CRYM: variants seen among roughly 807,000 people sequenced by gnomAD.
CRYM encodes the protein ketimine reductase mu-crystallin.
CRYM carries 18 observed loss-of-function variants against 32.9 expected under a neutral mutation model. The observed-to-expected ratio is 0.55, with a 90% CI of 0.38 to 0.81. The LOEUF (loss-of-function observed/expected upper bound fraction) is 0.81, where lower values mean the gene tolerates loss of function less well. Ranked by LOEUF, CRYM falls within the 30% of genes least tolerant of loss-of-function variation. The pLI is 0.00. For synonymous variants in CRYM, 153 were observed against 152.4 expected, an observed-to-expected ratio of 1.00 and a Z score of -0.03; for missense variants, 337 against 393.5, an observed-to-expected ratio of 0.86 and a Z score of 1.21.
At chr16:21,296,460 C>T (rs895080182) in intron 1 of CRYM, among the ~76,000 whole-genome samples, 1 of 152,130 alleles carries the variant, frequency 6.6e-6, no homozygotes, top group Admixed American at 6.6e-5. Context: ...ATACTAAAAC[C>T]TATCATTCAA....
chr16:21,277,735 T>A lies in CRYM; in HGVS notation c.171-151A>T. 1 of 870,552 alleles carries A rather than the reference T, an allele frequency of 1.1e-6. No individual in the cohort carries two copies. Among genetic ancestry groups the A allele is most frequent in the Non-Finnish European group, 1.8e-6 (1 of 558,968 alleles). The allele number at this position is 870,552 out of a possible 1,614,324, so 53.9% of individuals were successfully genotyped here. The stretch of plus-strand genomic sequence containing the variant: ...ATCCCTCTGCCCTTCCCTTAGACAC[T>A]ATGCACAGTATGTTCAGAAGTCTGG... On this transcript the variant is annotated intron_variant, in intron 1 of 7. Coordinates refer to ENST00000572914, the MANE Select transcript of CRYM (RefSeq NM_001376256.1). The surrounding 1 kb of genome is among the most constrained non-coding windows in gnomAD (Gnocchi z 4.2).
intron 3 of CRYM, among the ~76,000 whole-genome samples, chr16:21,272,555 C>T (rs2093377762): frequency 6.6e-6 from 1 of 152,200 alleles, no homozygotes; most frequent in African/African-American, 2.4e-5. Flanking sequence ...GCTCAAATAT[C>T]CCCTACAGAG....
At chr16:21,290,420 G>A (rs186798920) in intron 1 of CRYM, among the ~76,000 whole-genome samples, 166 of 152,206 alleles carry the variant, frequency 1.1e-3, no homozygotes, top group African/African-American at 3.6e-3. Flanking sequence ...CCACTGGAAG[G>A]AAGAAACTCG....
chr16:21,277,925 G>A lies in CRYM; in HGVS notation c.170+157C>T, dbSNP rs1224060688. Among the ~76,000 whole-genome samples the A allele has an allele frequency of 6.6e-6, 1 of 152,010 alleles. No homozygotes were observed. The highest frequency in any genetic ancestry group is 1.9e-4 in the East Asian group (1 of 5,176). ...ATAAACAAGGTAACACCTGTAAAAC[G>A]CCCACTTAGCACACCGGGTAGCGCC... On this transcript the variant is annotated intron_variant, in intron 1 of 7. Transcript: ENST00000572914. This position sits in a 1 kb window ranked among gnomAD's most constrained non-coding sequence, Gnocchi z 4.2.
chr16:21,286,252 C>G (rs1002676034), intron 1 of CRYM, among the ~76,000 whole-genome samples: 1 of 150,322 alleles, frequency 6.7e-6, no homozygotes, highest in Non-Finnish European at 1.5e-5. Flanking sequence ...GAGTCTCACT[C>G]TATCGCCCAG....
upstream of CRYM, among the ~76,000 whole-genome samples, chr16:21,283,004 GGTCA>G (rs1176361622): frequency 2.0e-5 from 3 of 151,984 alleles, no homozygotes; most frequent in Non-Finnish European, 4.4e-5. Flanking sequence ...GTAATGCAGG[GGTCA>G]GTATTGAGAA....
At chr16:21,274,045 T>C (rs1188771379) in intron 3 of CRYM, among the ~76,000 whole-genome samples, 1 of 152,152 alleles carries the variant, frequency 6.6e-6, no homozygotes, top group Non-Finnish European at 1.5e-5. Context: ...GAACACCTGG[T>C]CTTTGCTGCT....
Position 21,258,827 on chromosome 16 carries a change from G to A in CRYM, c.899C>T (p.Thr300Ile), listed in dbSNP as rs749526724. Residue 300 changes from threonine to isoleucine, a missense_variant, in exon 8 of 8, where the codon ACA (threonine) becomes ATA (isoleucine). Thr to Ile is a moderately conservative substitution (Grantham distance 89). Transcript: ENST00000572914. ...ATCATAGATGAGTTTGGCTGCAACTGTGTCTTCCACTGCCATTCCTAGAAT... is the reference window on the plus strand; with the variant it reads ...ATCATAGATGAGTTTGGCTGCAACTATGTCTTCCACTGCCATTCCTAGAAT... ...FKSLGMAVED[T>I]VAAKLIYDSW... 3.7e-6 allele frequency: 6 copies of A among 1,614,112 alleles called. No individual in the cohort carries two copies. The South Asian group carries it at 5.5e-5, about 15-fold the overall frequency.
chr16:21,278,676 T>G, upstream of CRYM: 1 of 220,440 alleles, frequency 4.5e-6, no homozygotes, highest in Non-Finnish European at 9.1e-6. Flanking sequence ...CTCCTTTATT[T>G]ATTAAATTAC....
chr16:21,293,028 A>AAGATAGAT (rs3029354), intron 1 of CRYM, among the ~76,000 whole-genome samples: 25,509 of 150,356 alleles, frequency 0.17, 2,334 homozygotes, highest in East Asian at 0.31. Context: ...AAGTAGATAG[A>AAGATAGAT]AGATAGATAG....
At chr16:21,279,670 C>G (rs140367399), upstream of CRYM, among the ~76,000 whole-genome samples, 1 of 152,074 alleles carries the variant, frequency 6.6e-6, no homozygotes, top group Non-Finnish European at 1.5e-5. Context: ...AACAGATGAG[C>G]GAGAGCAGAG....
intron 7 of CRYM, among the ~76,000 whole-genome samples, chr16:21,260,054 T>C (rs1043673567): frequency 1.3e-5 from 2 of 152,178 alleles, no homozygotes; most frequent in African/African-American, 2.4e-5. Context: ...TGTCTTCCAG[T>C]GCATGAGAGA....
At chr16:21,280,370 A>G (rs8060552), upstream of CRYM, among the ~76,000 whole-genome samples, 37,466 of 151,988 alleles carry the variant, frequency 0.25, 4,869 homozygotes, top group African/African-American at 0.3. Context: ...ACACAGTAAG[A>G]CTTTTTTGGC....
At chr16:21,290,083 C>G (rs952497358) in intron 1 of CRYM, among the ~76,000 whole-genome samples, 1 of 151,798 alleles carries the variant, frequency 6.6e-6, no homozygotes, top group African/African-American at 2.4e-5. Flanking sequence ...TAAAATGGAC[C>G]AATCAGCAGG....
At chr16:21,270,474 G>C (rs973323203) in intron 3 of CRYM, among the ~76,000 whole-genome samples, 2 of 152,008 alleles carry the variant, frequency 1.3e-5, no homozygotes, top group South Asian at 4.1e-4. Flanking sequence ...GATAGAGATG[G>C]GGTTTCACCA....
At chr16:21,287,629 A>G (rs1188136174) in intron 1 of CRYM, among the ~76,000 whole-genome samples, 1 of 152,200 alleles carries the variant, frequency 6.6e-6, no homozygotes, top group African/African-American at 2.4e-5. Context: ...ACCAAAGGCC[A>G]TTGCTTTAAC....
At chr16:21,264,134 C>T (rs2093359563) in intron 5 of CRYM, among the ~76,000 whole-genome samples, 1 of 152,226 alleles carries the variant, frequency 6.6e-6, no homozygotes. Context: ...CCTTTGTTCC[C>T]TCCCGTTCTG....
intron 6 of CRYM, 122 bp from the exon 7 acceptor site, chr16:21,261,460 AAAAAG>A: frequency 1.4e-6 from 1 of 730,670 alleles, no homozygotes; most frequent in South Asian, 1.6e-5. Context: ...AAAAAAAAAA[AAAAAG>A]AGAGAGATCC....
chr16:21,300,635 C>T (rs1960889683), intron 1 of CRYM: 1 of 152,112 alleles, frequency 6.6e-6, no homozygotes, highest in Non-Finnish European at 1.5e-5. Flanking sequence ...TGGCTCCTTT[C>T]CCAGTTTGGG....
Sources: gnomAD v4.1 joint callset for allele counts (sites outside exome capture counted in the v4.1 genomes callset) on GRCh38, gnomAD v4.1.1 for gene constraint, Gnocchi (gnomAD v3.1) non-coding constraint, MANE v1.5 for transcripts, NCBI Gene and HGNC (gene_info 2026-07-23, HGNC 2026-07-21) for gene names.